The following ATXN10 variants were observed in gnomAD, a reference collection of about 807,000 sequenced individuals.
ATXN10 encodes ataxin 10, also known as ataxin-10.
In ATXN10, 28 loss-of-function variants were observed where a neutral mutation model predicts 52.9. That is an observed-to-expected ratio of 0.53 (90% CI 0.39 to 0.73). The LOEUF (loss-of-function observed/expected upper bound fraction) is 0.73. Among genes scored for constraint, ATXN10 ranks in the 30% least tolerant of loss-of-function variants. ATXN10 has a pLI of 0.00. For missense variants in ATXN10, 565 were observed against 577.0 expected (o/e 0.98, Z 0.21); for synonymous variants, 226 against 221.5 (o/e 1.02, Z -0.18).
Position 45,724,287 on chromosome 22 carries a change from A to G in ATXN10, c.729-5138A>G, listed in dbSNP as rs147992692. Among the ~76,000 whole-genome samples the G allele has an allele frequency of 2.8e-4, 43 of 152,242 alleles. No homozygotes were observed. The East Asian group carries it at 8.1e-3, about 29-fold the overall frequency. ...TTTACTATTTTACTTTCCCCCCAGC[A>G]TTGTATATGCGTTCCTTTTTCACTA... On this transcript the variant is annotated intron_variant, in intron 6 of 11. Coordinates refer to ENST00000252934, the MANE Select transcript of ATXN10 (RefSeq NM_013236.4).
At chr22:45,693,983 C>T (rs1419467303) in intron 3 of ATXN10, among the ~76,000 whole-genome samples, 1 of 152,114 alleles carries the variant, frequency 6.6e-6, no homozygotes, top group East Asian at 1.9e-4. Flanking sequence ...ATGTGACAGG[C>T]CCTGGTCCAG....
At chr22:45,737,636 C>T (rs1438228285) in intron 7 of ATXN10, among the ~76,000 whole-genome samples, 1 of 149,870 alleles carries the variant, frequency 6.7e-6, no homozygotes, top group African/African-American at 2.4e-5. Flanking sequence ...ACAGTAAATA[C>T]ACATTTAGAA....
intron 9 of ATXN10, among the ~76,000 whole-genome samples, chr22:45,773,840 A>G (rs1474650970): frequency 6.6e-6 from 1 of 150,706 alleles, no homozygotes; most frequent in Non-Finnish European, 1.5e-5. Flanking sequence ...AAAGAAATGA[A>G]CTGATGTTTG....
intron 9 of ATXN10, among the ~76,000 whole-genome samples, chr22:45,791,548 ATTAT>A (rs1273741372): frequency 1.6e-4 from 24 of 152,318 alleles, no homozygotes; most frequent in African/African-American, 5.3e-4. Context: ...GATGGTTGAT[ATTAT>A]TATGAGTACA....
At position 45,684,492 on chromosome 22, in the gene ATXN10, A is replaced by G. The variant is rs1923057229; in HGVS notation, c.117-5220A>G. 6.6e-6 allele frequency among the ~76,000 whole-genome samples: 1 copy of G among 152,146 alleles called. No homozygotes were observed. Among genetic ancestry groups the G allele is most frequent in the South Asian group, 2.1e-4 (1 of 4,812 alleles). On this transcript the variant is annotated intron_variant, in intron 1 of 11. Transcript: ENST00000252934. The surrounding 1 kb of genome is among the most constrained non-coding windows in gnomAD (Gnocchi z 4.1). ...TTTACGTTTCTAAATGGTTGGGGAG[A>G]TGATAAAGTTTCATGACACATGAAA... is the stretch of plus-strand genomic sequence containing the variant.
chr22:45,826,363 A>C lies in ATXN10; in HGVS notation c.1238-16628A>C, dbSNP rs1210581243. ...TTGTGGGAAACAAGGAAAAAGAGAA[A>C]AGGGCAGAGAGAATATCTGAAGAAA... On this transcript the variant is annotated intron_variant, in intron 10 of 11. Transcript: ENST00000252934. The surrounding 1 kb of genome is among the most constrained non-coding windows in gnomAD (Gnocchi z 5.0). Among the ~76,000 whole-genome samples, 1 of 152,188 alleles carries C rather than the reference A, an allele frequency of 6.6e-6. No homozygotes were observed. The highest frequency in any genetic ancestry group is 6.5e-5 in the Admixed American group (1 of 15,280).
At chr22:45,749,469 A>G (rs1434440470) in intron 9 of ATXN10, among the ~76,000 whole-genome samples, 2 of 152,196 alleles carry the variant, frequency 1.3e-5, no homozygotes, top group Non-Finnish European at 2.9e-5. Flanking sequence ...AGGACATTGT[A>G]TTACAGCTTT....
intron 3 of ATXN10, among the ~76,000 whole-genome samples, chr22:45,694,798 C>G (rs1420581519): frequency 6.7e-6 from 1 of 148,324 alleles, no homozygotes; most frequent in Non-Finnish European, 1.5e-5. Flanking sequence ...AAAAAAGAAC[C>G]GGGCATGGTG....
At chr22:45,756,594 G>C (rs1424260792) in intron 9 of ATXN10, among the ~76,000 whole-genome samples, 1 of 152,176 alleles carries the variant, frequency 6.6e-6, no homozygotes, top group East Asian at 1.9e-4. Context: ...ACTATTGCTT[G>C]AAAAGAAAAG....
chr22:45,829,855 G>A (rs1209503205), intron 10 of ATXN10, among the ~76,000 whole-genome samples: 1 of 152,148 alleles, frequency 6.6e-6, no homozygotes, highest in Non-Finnish European at 1.5e-5. Flanking sequence ...ATTTTTTGCA[G>A]ATATAGAAAA....
In ATXN10 at chr22:45,740,420, G is replaced by GT; in HGVS notation, c.1056dup (p.Asn353Ter). On this transcript the variant is annotated frameshift_variant, in exon 9 of 12. Coordinates refer to ENST00000252934, the MANE Select transcript of ATXN10 (RefSeq NM_013236.4). LOFTEE classifies it high-confidence loss of function. ...GGAAAAGAAACCACAAACATCTTCA[G>GT]TAATTGTGGTTGCGTGAGAGCAGAA... is the stretch of plus-strand genomic sequence containing the variant. 1 of 1,613,962 alleles carries GT rather than the reference G, an allele frequency of 6.2e-7. No homozygotes were observed. Among genetic ancestry groups the GT allele is most frequent in the Non-Finnish European group, 8.5e-7 (1 of 1,179,920 alleles).
chr22:45,732,389 AT>A lies in ATXN10; in HGVS notation c.894+2801del, dbSNP rs1925123321. Among the ~76,000 whole-genome samples, 1 of 152,012 alleles carries A rather than the reference AT, an allele frequency of 6.6e-6. No individual in the cohort carries two copies. The highest frequency in any genetic ancestry group is 2.4e-5 in the African/African-American group (1 of 41,414). ...TGGGAGGCTTGCCTAAGCCCAGAAG[AT>A]TGAGGCTGCAGTGAGCTGTGATTGC... On this transcript the variant is annotated intron_variant, in intron 7 of 11. Coordinates refer to ENST00000252934, the MANE Select transcript of ATXN10 (RefSeq NM_013236.4). This position sits in a 1 kb window ranked among gnomAD's most constrained non-coding sequence, Gnocchi z 4.5.
chr22:45,815,068 G>T (rs1235390689), intron 10 of ATXN10, among the ~76,000 whole-genome samples: 1 of 152,202 alleles, frequency 6.6e-6, no homozygotes, highest in Non-Finnish European at 1.5e-5. Context: ...ATTCTTCAGA[G>T]CCCCAAAGTA....
intron 9 of ATXN10, among the ~76,000 whole-genome samples, chr22:45,768,009 T>TA (rs1193508277): frequency 3.3e-5 from 5 of 152,168 alleles, no homozygotes; most frequent in Non-Finnish European, 7.3e-5. Context: ...TTCAGCATAA[T>TA]AGAGATACAA....
At position 45,793,740 on chromosome 22, in the gene ATXN10, C is replaced by T. The variant is rs200191426; in HGVS notation, c.1174-13219C>T. 666 of 1,439,054 alleles carry T rather than the reference C, an allele frequency of 4.6e-4. 4 individuals are homozygous for T. Among genetic ancestry groups the T allele is most frequent in the Admixed American group, 2.4e-4 (10 of 41,636 alleles). The allele number at this position is 1,439,054 out of a possible 1,614,324, so 89.1% of individuals were successfully genotyped here. A position where few individuals can be genotyped will look rare whatever the true frequency, so the allele number is the denominator to read the frequency against. ...TTGCCTGCTACTGAGGAGCTCTTGCCACCCCCGATTCCTGCCTTTCCCCAG... is the reference window on the plus strand; with the variant it reads ...TTGCCTGCTACTGAGGAGCTCTTGCTACCCCCGATTCCTGCCTTTCCCCAG... On this transcript the variant is annotated intron_variant, in intron 9 of 11. Coordinates refer to ENST00000252934, the MANE Select transcript of ATXN10 (RefSeq NM_013236.4).
At chr22:45,777,177 G>A (rs1232314087) in intron 9 of ATXN10, among the ~76,000 whole-genome samples, 1 of 152,150 alleles carries the variant, frequency 6.6e-6, no homozygotes, top group Non-Finnish European at 1.5e-5. Context: ...CTTAGGGAGA[G>A]GTTTGTCATA....
intron 10 of ATXN10, among the ~76,000 whole-genome samples, chr22:45,817,114 G>A (rs892220311): frequency 6.6e-6 from 1 of 152,142 alleles, no homozygotes; most frequent in Non-Finnish European, 1.5e-5. Context: ...ACGTTTGTTT[G>A]ATGCAGTGAA....
At chr22:45,813,345 T>TC (rs57042929) in intron 10 of ATXN10, among the ~76,000 whole-genome samples, 3 of 151,324 alleles carry the variant, frequency 2.0e-5, no homozygotes, top group African/African-American at 7.3e-5. Context: ...TTTTTTTTTT[T>TC]CATATTGTTT....
At chr22:45,788,717 C>CA (rs1927404374) in intron 9 of ATXN10, among the ~76,000 whole-genome samples, 1 of 152,048 alleles carries the variant, frequency 6.6e-6, no homozygotes, top group African/African-American at 2.4e-5. Context: ...AGTGCAGTGG[C>CA]ACAGTCAAAG....
Sources: allele counts gnomAD v4.1 joint callset (sites outside exome capture counted in the v4.1 genomes callset), GRCh38; gene constraint gnomAD v4.1.1; non-coding constraint Gnocchi (gnomAD v3.1); transcripts MANE v1.5; gene names NCBI Gene and HGNC (gene_info 2026-07-23, HGNC 2026-07-21).